The following PPP1R7 variants were observed in gnomAD, a reference collection of about 807,000 sequenced individuals.
PPP1R7 encodes the protein protein phosphatase 1 regulatory subunit 7.
A neutral mutation model predicts 45.2 loss-of-function variants in PPP1R7; 18 were observed. The ratio of observed to expected loss-of-function variants is 0.40; its 90% confidence interval spans 0.28 to 0.59. PPP1R7 has a LOEUF of 0.59. Among genes scored for constraint, PPP1R7 ranks in the 20% least tolerant of loss-of-function variants. PPP1R7 has a pLI of 0.46. For synonymous variants in PPP1R7, 181 were observed against 183.4 expected, an observed-to-expected ratio of 0.99 and a Z score of 0.11; for missense variants, 314 against 455.8, an observed-to-expected ratio of 0.69 and a Z score of 2.83.
rs1015242755 is a variant in PPP1R7, at chr2:241,157,754, A to G, written c.182-53A>G. 2.2e-5 allele frequency: 34 copies of G among 1,551,296 alleles called. No individual in the cohort carries two copies. In the African/African-American group the frequency reaches 4.2e-4, roughly 19 times the overall value. On this transcript the variant is annotated intron_variant, in intron 2 of 9. Transcript: ENST00000234038. Reference sequence around the variant, plus strand: ...CCTCAGCCAGAAGCAGCTCTTCACCAGTGCCTCCTGTTAATGGGGTTCTGA... The same window carrying G: ...CCTCAGCCAGAAGCAGCTCTTCACCGGTGCCTCCTGTTAATGGGGTTCTGA...
At chr2:241,160,565 G>T in intron 6 of PPP1R7, 71 bp downstream of exon 6, 1 of 1,356,906 alleles carries the variant, frequency 7.4e-7, no homozygotes, top group South Asian at 1.5e-5. Context: ...GACTCAGTGG[G>T]TGTATGTAGA....
chr2:241,167,152 A>G lies in PPP1R7; in HGVS notation c.819+711A>G. 5.3e-6 allele frequency: 7 copies of G among 1,328,930 alleles called. No individual in the cohort carries two copies. The South Asian group carries it at 9.4e-5, about 18-fold the overall frequency. The allele number at this position is 1,328,930 out of a possible 1,614,324, so 82.3% of individuals were successfully genotyped here. On this transcript the variant is annotated intron_variant, in intron 8 of 9. Coordinates refer to ENST00000234038, the MANE Select transcript of PPP1R7 (RefSeq NM_002712.3). ...TGCCCCAGTGCGGTGTTCAAGACAAATAAAAGACTTTTTCTCATTCAATTT... is the reference window on the plus strand; with the variant it reads ...TGCCCCAGTGCGGTGTTCAAGACAAGTAAAAGACTTTTTCTCATTCAATTT...
Position 241,165,165 on chromosome 2 carries a change from C to CT in PPP1R7, c.715-1164dup, listed in dbSNP as rs200554228. On this transcript the variant is annotated intron_variant, in intron 7 of 9. Transcript: ENST00000234038. ...CAAATGTATCTTTTAACAATGAGTTCTTTTTTTTGGTTTTTTTTTGAGATG... is the reference window on the plus strand; with the variant it reads ...CAAATGTATCTTTTAACAATGAGTTCTTTTTTTTTGGTTTTTTTTTGAGATG... Among the ~76,000 whole-genome samples, 325 of 151,622 alleles carry CT rather than the reference C, an allele frequency of 2.1e-3. 4 individuals carry two copies. In the East Asian group the frequency reaches 0.034, roughly 16 times the overall value.
intron 4 of PPP1R7, 110 bp from the exon 5 acceptor site, chr2:241,159,101 GAA>G: frequency 7.7e-7 from 1 of 1,304,718 alleles, no homozygotes; most frequent in South Asian, 1.3e-5. Context: ...GCAGGAGAAT[GAA>G]GACATGTCCT....
chr2:241,150,699 G>A (rs899483054), intron 1 of PPP1R7, 152 bp downstream of exon 1: 3 of 1,252,096 alleles, frequency 2.4e-6, no homozygotes, highest in African/African-American at 1.6e-5. Flanking sequence ...CCGGGGGAGC[G>A]GGGGAGGCGC....
intron 2 of PPP1R7, among the ~76,000 whole-genome samples, chr2:241,154,582 G>A (rs1236005154): frequency 1.2e-4 from 18 of 152,164 alleles, no homozygotes; most frequent in Admixed American, 1.0e-3. Flanking sequence ...GTGTGCACCT[G>A]TAGTCCCAGC....
chr2:241,155,589 T>C (rs1050762768), intron 2 of PPP1R7, among the ~76,000 whole-genome samples: 4 of 152,240 alleles, frequency 2.6e-5, no homozygotes, highest in African/African-American at 7.2e-5. Context: ...CAGAAGGGCA[T>C]TCTAGGCTGG....
chr2:241,151,213 A>G (rs1198743529), intron 1 of PPP1R7, among the ~76,000 whole-genome samples: 2 of 152,226 alleles, frequency 1.3e-5, no homozygotes, highest in African/African-American at 2.4e-5. Flanking sequence ...CACGTACAGT[A>G]TGTGTGTAAA....
chr2:241,176,850 C>T (rs1258599944), intron 9 of PPP1R7, among the ~76,000 whole-genome samples: 1 of 152,232 alleles, frequency 6.6e-6, no homozygotes, highest in Non-Finnish European at 1.5e-5. Context: ...CAGCTGCAAC[C>T]AGCCTGTGAT....
Position 241,157,832 on chromosome 2 carries a change from G to A in PPP1R7, c.207G>A (p.Met69Ile). The change falls in exon 3 of 10, where the codon ATG (methionine) becomes ATA (isoleucine). Residue 69 changes from methionine to isoleucine, a missense_variant. Met to Ile is a conservative substitution (Grantham distance 10). This residue lies in a region of PPP1R7 where 112 missense variants were observed against 144.5 expected (regional missense o/e 0.78). Transcript: ENST00000234038. ...AAGAACATGAGCTGCCTGTGGACAT[G>A]GAAACCATCAACCTGGACAGAGATG... ...PEEEHELPVDMETINLDRDAE... is the reference protein window; with the variant it reads ...PEEEHELPVDIETINLDRDAE... 6.2e-7 allele frequency: 1 copy of A among 1,614,106 alleles called. No homozygotes were observed. The highest frequency in any genetic ancestry group is 8.5e-7 in the Non-Finnish European group (1 of 1,179,968).
chr2:241,156,407 G>T (rs928624386), intron 2 of PPP1R7, among the ~76,000 whole-genome samples: 9 of 152,122 alleles, frequency 5.9e-5, no homozygotes, highest in Non-Finnish European at 1.2e-4. Flanking sequence ...GCAGTGGCTC[G>T]TGCCTATAAT....
At chr2:241,173,751 C>A (rs12052806) in intron 9 of PPP1R7, among the ~76,000 whole-genome samples, 1 of 152,176 alleles carries the variant, frequency 6.6e-6, no homozygotes, top group Non-Finnish European at 1.5e-5. Flanking sequence ...CTGCTCCACC[C>A]CTTGGGCTTT....
In PPP1R7 at chr2:241,182,739, GCAGAAGGACCCC is replaced by G; in HGVS notation, c.1003_1014del (p.Lys335_Gln338del). ...CAGTGTACCTGGAGCGGAACCCCTT[GCAGAAGGACCCC>G]CAGTACCGGCGGAAGGTCATGCTCG... is the stretch of plus-strand genomic sequence containing the variant. On this transcript the variant is annotated inframe_deletion, in exon 10 of 10. Coordinates refer to ENST00000234038, the MANE Select transcript of PPP1R7 (RefSeq NM_002712.3). The G allele has an allele frequency of 6.2e-7, 1 of 1,614,210 alleles. No individual in the cohort carries two copies. The highest frequency in any genetic ancestry group is 8.5e-7 in the Non-Finnish European group (1 of 1,180,046).
chr2:241,177,007 G>A (rs2067919882), intron 9 of PPP1R7, among the ~76,000 whole-genome samples: 1 of 152,130 alleles, frequency 6.6e-6, no homozygotes, highest in Non-Finnish European at 1.5e-5. Flanking sequence ...GAGACGGGTG[G>A]GTCACCTAAG....
In PPP1R7 at chr2:241,159,269, G is replaced by C; in HGVS notation, c.360G>C (p.Gln120His). The C allele has an allele frequency of 6.2e-7, 1 of 1,613,888 alleles. No individual in the cohort carries two copies. The highest frequency in any genetic ancestry group is 2.2e-5 in the East Asian group (1 of 44,870). Residue 120 changes from glutamine (Q) to histidine (H), a missense_variant, in exon 5 of 10, where the codon CAG becomes CAC. Around this residue, in one of 3 missense-constraint regions of PPP1R7, gnomAD observed 112 missense variants for 144.5 expected, o/e 0.78. Coordinates refer to ENST00000234038, the MANE Select transcript of PPP1R7 (RefSeq NM_002712.3). ...IKCIENLEELQSLRELDLYDN... is the reference protein window; with the variant it reads ...IKCIENLEELHSLRELDLYDN... ...GCATTGAGAATCTGGAGGAGCTACA[G>C]AGTCTTCGAGAGCTGGATCTTTACG...
intron 9 of PPP1R7, 66 bp downstream of exon 9, chr2:241,169,933 T>G: frequency 7.8e-7 from 1 of 1,284,702 alleles, no homozygotes; most frequent in Non-Finnish European, 1.1e-6. Flanking sequence ...TTAAAATGTC[T>G]TATGAATGAA....
intron 9 of PPP1R7, among the ~76,000 whole-genome samples, chr2:241,170,160 G>A (rs539203334): frequency 1.3e-5 from 2 of 152,348 alleles, no homozygotes; most frequent in Non-Finnish European, 2.9e-5. Context: ...CAAGACTCCG[G>A]GTGATTGCAG....
In PPP1R7 at chr2:241,183,546, A is replaced by T. The variant is rs1343189124; in HGVS notation, c.*723A>T. On this transcript the variant is annotated 3_prime_UTR_variant, in exon 10 of 10. Transcript: ENST00000234038. ...ATACGAGTCCCATTGAGCCTCTCCAAAGACGGCCTCCAAGGATCTGAACTC... is the reference window on the plus strand; with the variant it reads ...ATACGAGTCCCATTGAGCCTCTCCATAGACGGCCTCCAAGGATCTGAACTC... 2 of 439,950 alleles carry T rather than the reference A, an allele frequency of 4.5e-6. No homozygotes were observed. Among genetic ancestry groups the T allele is most frequent in the Non-Finnish European group, 9.4e-6 (2 of 212,020 alleles). The allele number at this position is 439,950 out of a possible 1,614,324, so 27.3% of individuals were successfully genotyped here.
At chr2:241,150,379 G>A (rs1373071569), upstream of PPP1R7, 7 of 1,333,496 alleles carry the variant, frequency 5.2e-6, no homozygotes, top group Admixed American at 4.0e-5. Context: ...ACGCAGGCGC[G>A]GCGCGGCTGA....
Sources: allele counts gnomAD v4.1 joint callset (sites outside exome capture counted in the v4.1 genomes callset), GRCh38; gene constraint gnomAD v4.1.1; regional missense constraint gnomAD v4.1.1; transcripts MANE v1.5; gene names NCBI Gene and HGNC (gene_info 2026-07-23, HGNC 2026-07-21).